Variants in TTC28 observed in about 807,000 individuals in gnomAD.
TTC28 encodes the protein tetratricopeptide repeat domain 28, also known as tetratricopeptide repeat protein 28.
TTC28 carries 61 observed loss-of-function variants against 198.0 expected under a neutral mutation model. The ratio of observed to expected loss-of-function variants is 0.31; its 90% CI spans 0.25 to 0.38. TTC28 has a LOEUF of 0.38. TTC28 is among the 10% of genes least tolerant of loss of function. The probability of loss-of-function intolerance (pLI) is 1.00; values close to 1 mark genes in which losing one functional copy is unlikely to be tolerated. For missense variants in TTC28, 2,678 were observed against 3,164.0 expected, an observed-to-expected ratio of 0.85 and a Z score of 3.69; for synonymous variants, 1,171 against 1,297.8, an observed-to-expected ratio of 0.90 and a Z score of 2.10.
At chr22:28,182,396 T>A (rs1411840949) in intron 5 of TTC28, among the ~76,000 whole-genome samples, 1 of 152,086 alleles carries the variant, frequency 6.6e-6, no homozygotes, top group Middle Eastern at 3.2e-3. Flanking sequence ...CACCAAATCA[T>A]AAAATCTGGC....
intron 13 of TTC28, among the ~76,000 whole-genome samples, chr22:28,016,020 C>A (rs1601519605): frequency 1.3e-5 from 2 of 152,114 alleles, no homozygotes; most frequent in Non-Finnish European, 2.9e-5. Context: ...TCTCCCACTC[C>A]TCCCAGTGAT....
chr22:28,630,477 T>C (rs561282919), intron 1 of TTC28, among the ~76,000 whole-genome samples: 2 of 152,244 alleles, frequency 1.3e-5, no homozygotes, highest in South Asian at 4.2e-4. Flanking sequence ...TTTTTTGGTG[T>C]TTTTGTTGTT....
chr22:28,177,315 T>C (rs1321144965), intron 5 of TTC28, among the ~76,000 whole-genome samples: 2 of 152,156 alleles, frequency 1.3e-5, no homozygotes, highest in African/African-American at 4.8e-5. Flanking sequence ...TACCACTACA[T>C]ACGTATTAGA....
chr22:28,031,911 A>T (rs1309953996), intron 12 of TTC28, among the ~76,000 whole-genome samples: 1 of 151,864 alleles, frequency 6.6e-6, no homozygotes, highest in Non-Finnish European at 1.5e-5. Flanking sequence ...TAGAGCAAAA[A>T]AGTAGAGAAA....
At chr22:28,013,899 G>A (rs542262607) in intron 14 of TTC28, among the ~76,000 whole-genome samples, 7 of 152,286 alleles carry the variant, frequency 4.6e-5, no homozygotes, top group South Asian at 2.1e-4. Context: ...TCCCTGAGCC[G>A]CACCATCACT....
chr22:28,110,330 C>T (rs887520283), intron 6 of TTC28, among the ~76,000 whole-genome samples: 1 of 152,052 alleles, frequency 6.6e-6, no homozygotes, highest in Non-Finnish European at 1.5e-5. Flanking sequence ...TTATGTAGTT[C>T]ATCTATAGTT....
intron 2 of TTC28, among the ~76,000 whole-genome samples, chr22:28,569,118 C>T (rs2050023204): frequency 6.6e-6 from 1 of 151,106 alleles, no homozygotes; most frequent in Non-Finnish European, 1.5e-5. Context: ...TGCACTCCAG[C>T]CTGGGCAACA....
intron 12 of TTC28, among the ~76,000 whole-genome samples, chr22:28,055,190 C>T (rs1353015775): frequency 6.6e-6 from 1 of 152,174 alleles, no homozygotes; most frequent in African/African-American, 2.4e-5. Context: ...GCTGAGCCCC[C>T]ATGCAGCGAA....
intron 2 of TTC28, among the ~76,000 whole-genome samples, chr22:28,477,505 A>T (rs1017374516): frequency 6.6e-6 from 1 of 152,198 alleles, no homozygotes; most frequent in African/African-American, 2.4e-5. Flanking sequence ...AAAAAATAAA[A>T]TACAAGGAAA....
At chr22:28,118,175 G>C (rs545203801) in intron 6 of TTC28, among the ~76,000 whole-genome samples, 111 of 152,314 alleles carry the variant, frequency 7.3e-4, no homozygotes, top group African/African-American at 2.4e-3. Context: ...AAGGCGGGTG[G>C]ATCACCTGAA....
chr22:28,644,241 T>C (rs374973457), intron 1 of TTC28, among the ~76,000 whole-genome samples: 18 of 151,212 alleles, frequency 1.2e-4, no homozygotes, highest in African/African-American at 3.6e-4. Context: ...CTACTAAAAA[T>C]ACAAAAAATT....
At chr22:28,420,705 T>C (rs989419085) in intron 2 of TTC28, among the ~76,000 whole-genome samples, 1 of 152,100 alleles carries the variant, frequency 6.6e-6, no homozygotes, top group African/African-American at 2.4e-5. Context: ...ATTCAAGTGA[T>C]TCTCGTGCCT....
rs906208154 is a variant in TTC28, at chr22:28,030,373, G to A, written c.3933-7C>T. The A allele has an allele frequency of 5.2e-6, 8 of 1,551,406 alleles. No individual in the cohort carries two copies. Among genetic ancestry groups the A allele is most frequent in the Non-Finnish European group, 6.1e-6 (7 of 1,146,932 alleles). On this transcript the variant is annotated splice_region_variant and splice_polypyrimidine_tract_variant and intron_variant, in intron 12 of 22. Coordinates refer to ENST00000397906, the MANE Select transcript of TTC28 (RefSeq NM_001145418.2). The stretch of plus-strand genomic sequence containing the variant: ...CTCACTGCTGGCACAGGCCCTGCAG[G>A]AAAAATTGCAGAAAAAGCCAATCAG...
At chr22:28,639,234 A>G (rs1480623293) in intron 1 of TTC28, among the ~76,000 whole-genome samples, 1 of 152,242 alleles carries the variant, frequency 6.6e-6, no homozygotes, top group African/African-American at 2.4e-5. Flanking sequence ...AGATCCATGT[A>G]ATTATTATAA....
chr22:28,316,820 G>A (rs965111317), intron 2 of TTC28, among the ~76,000 whole-genome samples: 7 of 152,120 alleles, frequency 4.6e-5, no homozygotes, highest in Non-Finnish European at 8.8e-5. Flanking sequence ...AGGCTGGAAC[G>A]CAGTGGTATG....
chr22:28,516,859 T>C (rs901384792), intron 2 of TTC28, among the ~76,000 whole-genome samples: 3 of 152,222 alleles, frequency 2.0e-5, no homozygotes, highest in Non-Finnish European at 1.5e-5. Flanking sequence ...AATGTATTCA[T>C]ATACATACGT....
chr22:28,470,937 G>A (rs2048089505), intron 2 of TTC28, among the ~76,000 whole-genome samples: 1 of 152,152 alleles, frequency 6.6e-6, no homozygotes. Context: ...TCAGCCGAAG[G>A]CCTACAGATT....
At chr22:28,120,160 C>T (rs1407187079) in intron 6 of TTC28, among the ~76,000 whole-genome samples, 1 of 152,068 alleles carries the variant, frequency 6.6e-6, no homozygotes, top group African/African-American at 2.4e-5. Flanking sequence ...TGACACGGCA[C>T]AAAATACCAA....
At chr22:28,309,122 C>T (rs2045204046) in intron 2 of TTC28, among the ~76,000 whole-genome samples, 1 of 152,116 alleles carries the variant, frequency 6.6e-6, no homozygotes, top group South Asian at 2.1e-4. Context: ...CAGTACAGTA[C>T]TTGGCAAAGA....
Sources: gnomAD v4.1 joint callset for allele counts (sites outside exome capture counted in the v4.1 genomes callset) on GRCh38, gnomAD v4.1.1 for gene constraint, MANE v1.5 for transcripts, NCBI Gene and HGNC (gene_info 2026-07-23, HGNC 2026-07-21) for gene names.